SNAPC1: variants seen among roughly 807,000 people sequenced by gnomAD.
SNAPC1 encodes snRNA-activating protein complex subunit 1.
In SNAPC1, 42 loss-of-function variants were observed where a neutral mutation model predicts 50.1. The ratio of observed to expected loss-of-function variants is 0.84; its 90% CI spans 0.65 to 1.08. The LOEUF (loss-of-function observed/expected upper bound fraction) is 1.08. Ranked by LOEUF, SNAPC1 falls within the 50% of genes least tolerant of loss-of-function variation. SNAPC1 has a pLI of 0.00. For missense variants in SNAPC1, 477 were observed against 427.3 expected (o/e 1.12, Z -1.02); for synonymous variants, 164 against 144.2 (o/e 1.14, Z -0.98).
chr14:61,792,419 G>A (rs142290669), intron 8 of SNAPC1, among the ~76,000 whole-genome samples: 1,590 of 152,248 alleles, frequency 0.01, 25 homozygotes, highest in Middle Eastern at 0.044. Context: ...CCAAAAGTAA[G>A]GCTGTTAAAC....
rs145508548 is a variant in SNAPC1, at chr14:61,777,524, C to T, written c.694-548C>T. 9.4e-3 allele frequency among the ~76,000 whole-genome samples: 1,430 copies of T among 152,082 alleles called. 21 individuals are homozygous for T. Among genetic ancestry groups the T allele is most frequent in the African/African-American group, 0.033 (1,350 of 41,498 alleles). On this transcript the variant is annotated intron_variant, in intron 5 of 9. Transcript: ENST00000216294. ...TTCAGTGTAACTGGGTTTGCAGACA[C>T]GTGCCACCATGCCCAACTAATTTTT...
chr14:61,793,458 G>T (rs1166023806), intron 9 of SNAPC1, among the ~76,000 whole-genome samples: 1 of 151,964 alleles, frequency 6.6e-6, no homozygotes, highest in Non-Finnish European at 1.5e-5. Flanking sequence ...GCCTAGGCTG[G>T]TCTCAAACTC....
intron 3 of SNAPC1, 50 bp downstream of exon 3, chr14:61,767,402 T>C (rs750544240): frequency 9.1e-6 from 11 of 1,214,222 alleles, no homozygotes; most frequent in African/African-American, 1.6e-5. Context: ...AATTATACTT[T>C]ATTGTCCATA....
intron 8 of SNAPC1, among the ~76,000 whole-genome samples, chr14:61,790,405 G>A (rs768765845): frequency 3.9e-5 from 6 of 152,004 alleles, no homozygotes; most frequent in African/African-American, 9.7e-5. Context: ...GCACGATCTC[G>A]GCTCACTGCA....
At position 61,763,646 on chromosome 14, in the gene SNAPC1, C is replaced by G. The variant is rs531265910; in HGVS notation, c.128+1058C>G. On this transcript the variant is annotated intron_variant, in intron 1 of 9. Coordinates refer to ENST00000216294, the MANE Select transcript of SNAPC1 (RefSeq NM_003082.4). ...CTTTTTTGCTCTTCTAGACTGAGTA[C>G]GCTGTTCATGTTTTTTCCCCGCATA... 1.3e-3 allele frequency among the ~76,000 whole-genome samples: 201 copies of G among 152,118 alleles called. 1 individual carries two copies. The highest frequency in any genetic ancestry group is 4.6e-3 in the African/African-American group (189 of 41,480).
At chr14:61,792,357 A>G (rs1594653752) in intron 8 of SNAPC1, among the ~76,000 whole-genome samples, 1 of 152,348 alleles carries the variant, frequency 6.6e-6, no homozygotes, top group East Asian at 1.9e-4. Flanking sequence ...TTATGACTAG[A>G]GGAATATATC....
At chr14:61,767,532 C>T (rs1473624629) in intron 3 of SNAPC1, among the ~76,000 whole-genome samples, 180 bp downstream of exon 3, 3 of 151,670 alleles carry the variant, frequency 2.0e-5, no homozygotes, top group African/African-American at 7.3e-5. Context: ...GGCACCATCT[C>T]GGCTGACTGC....
In SNAPC1 at chr14:61,766,856, A is replaced by G; in HGVS notation, c.129-20A>G. 1 of 1,518,938 alleles carries G rather than the reference A, an allele frequency of 6.6e-7. No homozygotes were observed. The highest frequency in any genetic ancestry group is 9.1e-7 in the Non-Finnish European group (1 of 1,096,296). The allele number at this position is 1,518,938 out of a possible 1,614,324, so 94.1% of individuals were successfully genotyped here. A position where few individuals can be genotyped will look rare whatever the true frequency, so the allele number is the denominator to read the frequency against. On this transcript the variant is annotated intron_variant, in intron 1 of 9. Coordinates refer to ENST00000216294, the MANE Select transcript of SNAPC1 (RefSeq NM_003082.4). ...TTATTCACTTAATGAGTCGTAATATATTTTCTCTCTGTTTATTAGTGGCAG... is the reference window on the plus strand; with the variant it reads ...TTATTCACTTAATGAGTCGTAATATGTTTTCTCTCTGTTTATTAGTGGCAG...
At chr14:61,780,538 G>GT (rs963871008) in intron 7 of SNAPC1, among the ~76,000 whole-genome samples, 1 of 152,080 alleles carries the variant, frequency 6.6e-6, no homozygotes, top group South Asian at 2.1e-4. Context: ...TAACGGGGTG[G>GT]TTTTTTGTTT....
intron 1 of SNAPC1, among the ~76,000 whole-genome samples, chr14:61,763,237 C>T (rs113991344): frequency 1.5e-5 from 2 of 133,052 alleles, no homozygotes; most frequent in Non-Finnish European, 3.2e-5. Context: ...GTGACCCGCC[C>T]GCCTCGGCCT....
chr14:61,765,452 T>C (rs1425926277), intron 1 of SNAPC1, among the ~76,000 whole-genome samples: 3 of 152,176 alleles, frequency 2.0e-5, no homozygotes, highest in Non-Finnish European at 2.9e-5. Flanking sequence ...AATCAATATA[T>C]GCAAGAAGTA....
intron 8 of SNAPC1, among the ~76,000 whole-genome samples, chr14:61,785,650 G>A (rs1355202651): frequency 6.6e-6 from 1 of 152,202 alleles, no homozygotes; most frequent in Non-Finnish European, 1.5e-5. Flanking sequence ...TCATCAATAT[G>A]TGTAAGTCGT....
At chr14:61,783,069 C>A (rs1053167419) in intron 8 of SNAPC1, among the ~76,000 whole-genome samples, 4 of 137,112 alleles carry the variant, frequency 2.9e-5, no homozygotes, top group African/African-American at 1.1e-4. Flanking sequence ...GTTGCCCAGG[C>A]CGGAGTGCAA....
intron 3 of SNAPC1, among the ~76,000 whole-genome samples, chr14:61,767,850 G>A (rs765913478): frequency 8.5e-5 from 13 of 152,102 alleles, no homozygotes; most frequent in Non-Finnish European, 1.8e-4. Context: ...TGCTATCTCA[G>A]CTCACTGCAA....
chr14:61,784,705 C>T (rs2045102196), intron 8 of SNAPC1, among the ~76,000 whole-genome samples: 1 of 152,086 alleles, frequency 6.6e-6, no homozygotes, highest in South Asian at 2.1e-4. Context: ...TAACTCCTGC[C>T]CTAGGTAAAA....
chr14:61,781,905 C>G (rs1048567603), intron 7 of SNAPC1, among the ~76,000 whole-genome samples: 13 of 152,194 alleles, frequency 8.5e-5, no homozygotes, highest in Non-Finnish European at 1.3e-4. Flanking sequence ...TGAAGTACTT[C>G]TACTTGGAAT....
chr14:61,782,197 A>C, intron 7 of SNAPC1, 50 bp from the exon 8 acceptor site: 1 of 1,327,200 alleles, frequency 7.5e-7, no homozygotes, highest in Non-Finnish European at 1.0e-6. Flanking sequence ...CAATTTTATC[A>C]TTTGGATTCA....
rs546463863 is a variant in SNAPC1 at position 61,773,874 on chromosome 14, A to G, written c.535-2221A>G. Among the ~76,000 whole-genome samples the G allele has an allele frequency of 5.3e-5, 8 of 150,838 alleles. No homozygotes were observed. The South Asian group carries it at 1.7e-3, about 32-fold the overall frequency. ...AGGCACCCGCCACCATGCCTGGCTA[A>G]TTTTTTGTATTTTTAGTAGAAATGG... is the stretch of plus-strand genomic sequence containing the variant. On this transcript the variant is annotated intron_variant, in intron 4 of 9. Transcript: ENST00000216294.
intron 8 of SNAPC1, among the ~76,000 whole-genome samples, chr14:61,784,747 G>T (rs1290047135): frequency 1.3e-5 from 2 of 152,204 alleles, no homozygotes; most frequent in Non-Finnish European, 2.9e-5. Context: ...TTTAAAGTGT[G>T]TGTGTGCACT....
Sources: allele counts gnomAD v4.1 joint callset (sites outside exome capture counted in the v4.1 genomes callset), GRCh38; gene constraint gnomAD v4.1.1; transcripts MANE v1.5; gene names NCBI Gene and HGNC (gene_info 2026-07-23, HGNC 2026-07-21).